The following LIMS2 variants were observed in gnomAD, a reference collection of about 807,000 sequenced individuals.
LIMS2 encodes the protein LIM zinc finger domain containing 2.
A neutral mutation model predicts 45.3 loss-of-function variants in LIMS2; 30 were observed. The observed-to-expected ratio is 0.66, with a 90% CI of 0.50 to 0.90. The LOEUF is 0.90. LIMS2 is among the 40% of genes least tolerant of loss of function. LIMS2 has a pLI of 0.00. For synonymous variants in LIMS2, 173 were observed against 188.0 expected, an observed-to-expected ratio of 0.92 and a Z score of 0.65; for missense variants, 485 against 468.7, an observed-to-expected ratio of 1.03 and a Z score of -0.32.
Position 127,642,874 on chromosome 2 carries a change from A to C in LIMS2, c.509+49T>G. 2 of 1,537,740 alleles carry C rather than the reference A, an allele frequency of 1.3e-6. No homozygotes were observed. Among genetic ancestry groups the C allele is most frequent in the Non-Finnish European group, 1.8e-6 (2 of 1,138,648 alleles). ...GGCCCCACCGCCCTTACCCTGGGCCAGCCCTGGCTCCCCGCCCCCACAACT... is the reference window on the plus strand; with the variant it reads ...GGCCCCACCGCCCTTACCCTGGGCCCGCCCTGGCTCCCCGCCCCCACAACT... On this transcript the variant is annotated intron_variant, in intron 5 of 9. Coordinates refer to ENST00000355119, the MANE Select transcript of LIMS2 (RefSeq NM_001161403.3). The surrounding 1 kb of genome is among the most constrained non-coding windows in gnomAD (Gnocchi z 5.3).
At chr2:127,681,731 G>T (rs1443298648) in exon 1 of LIMS2, 2 of 152,036 alleles carry the variant, frequency 1.3e-5, no homozygotes, top group Non-Finnish European at 2.9e-5. Flanking sequence ...AGCCCTGAGC[G>T]CAGGAGCCCG....
In LIMS2 at chr2:127,643,061, C is replaced by T. The variant is rs767752155; in HGVS notation, c.371G>A (p.Arg124Gln). 21 of 1,580,420 alleles carry T rather than the reference C, an allele frequency of 1.3e-5. No individual in the cohort carries two copies. The highest frequency in any genetic ancestry group is 1.2e-4 in the East Asian group (5 of 43,202). Residue 124 changes from arginine (R) to glutamine (Q), a missense_variant, in exon 5 of 10, where the codon CGG becomes CAG. Arg to Gln is a conservative substitution (Grantham distance 43). Coordinates refer to ENST00000355119, the MANE Select transcript of LIMS2 (RefSeq NM_001161403.3). ...FVKNAGRHLC[R>Q]PCHNREKAKG... ...GGCCTTCTCACGGTTGTGGCAAGGC[C>T]GGCAGAGATGCCTGCGGGAGGCGGG...
intron 1 of LIMS2, among the ~76,000 whole-genome samples, chr2:127,662,144 C>A (rs1684709725): frequency 6.6e-6 from 1 of 152,154 alleles, no homozygotes; most frequent in Non-Finnish European, 1.5e-5. Context: ...CAACCCTGGC[C>A]CCGACGCCCC....
At chr2:127,651,204 G>T in intron 4 of LIMS2, 1 of 1,610,542 alleles carries the variant, frequency 6.2e-7, no homozygotes, top group Non-Finnish European at 8.5e-7. Flanking sequence ...CTTCCTGTGG[G>T]TGGTGGTGGC....
chr2:127,642,144 A>G lies in LIMS2; in HGVS notation c.565T>C (p.Cys189Arg), dbSNP rs1682486867. The change falls in exon 6 of 10, where the codon TGC (cysteine) becomes CGC (arginine). Residue 189 changes from cysteine (C) to arginine (R), a missense_variant. Transcript: ENST00000355119. The surrounding 1 kb of genome is among the most constrained non-coding windows in gnomAD (Gnocchi z 5.3). ...ATGGGGACGCCCATCTTGTCATGGC[A>G]GGGCAGGCAGTAGAGCTCACCCTTC... ...ELKGELYCLP[C>R]HDKMGVPICG... is the part of the protein sequence containing the mutation. The G allele has an allele frequency of 6.2e-7, 1 of 1,600,292 alleles. No individual in the cohort carries two copies. Among genetic ancestry groups the G allele is most frequent in the Non-Finnish European group, 8.5e-7 (1 of 1,172,962 alleles).
At chr2:127,679,688 C>T (rs1475218045), upstream of LIMS2, among the ~76,000 whole-genome samples, 1 of 152,104 alleles carries the variant, frequency 6.6e-6, no homozygotes, top group Non-Finnish European at 1.5e-5. This position sits in a 1 kb window ranked among gnomAD's most constrained non-coding sequence, Gnocchi z 5.3. Context: ...GAGCTGGGAC[C>T]CAGGGCCAAG....
At chr2:127,674,905 C>A in intron 1 of LIMS2, 109 bp downstream of exon 1, 2 of 1,218,830 alleles carry the variant, frequency 1.6e-6, no homozygotes, top group Non-Finnish European at 2.0e-6. Context: ...CGCGCCAGGG[C>A]GGAGCGGGGA....
chr2:127,668,689 A>AC (rs1685137206), intron 1 of LIMS2, among the ~76,000 whole-genome samples: 2 of 132,626 alleles, frequency 1.5e-5, no homozygotes, highest in Non-Finnish European at 3.1e-5. Flanking sequence ...AAAAAAAAAA[A>AC]AAAAAAAAAA....
At position 127,640,324 on chromosome 2, in the gene LIMS2, G is replaced by T; in HGVS notation, c.754-6C>A. The T allele has an allele frequency of 6.2e-7, 1 of 1,612,408 alleles. No individual in the cohort carries two copies. Among genetic ancestry groups the T allele is most frequent in the Non-Finnish European group, 8.5e-7 (1 of 1,179,848 alleles). On this transcript the variant is annotated splice_polypyrimidine_tract_variant and splice_region_variant and intron_variant, in intron 7 of 9. Coordinates refer to ENST00000355119, the MANE Select transcript of LIMS2 (RefSeq NM_001161403.3). ...TAGCAGACGTCCCCGAAGAGCTGTGGGCCGAGCAGGCTGTCAGAGTAGCTG... is the reference window on the plus strand; with the variant it reads ...TAGCAGACGTCCCCGAAGAGCTGTGTGCCGAGCAGGCTGTCAGAGTAGCTG...
intron 1 of LIMS2, among the ~76,000 whole-genome samples, chr2:127,663,518 G>T (rs1684810469): frequency 6.6e-6 from 1 of 152,156 alleles, no homozygotes; most frequent in South Asian, 2.1e-4. Context: ...CACACACAAG[G>T]AGCTGAGAGT....
chr2:127,644,067 ACC>A (rs1558871477), intron 4 of LIMS2: 3 of 456,386 alleles, frequency 6.6e-6, no homozygotes, highest in African/African-American at 2.0e-5. Context: ...GGACCCCAGG[ACC>A]TGCTACTGCT....
chr2:127,654,983 G>A (rs1573811936), intron 2 of LIMS2, 87 bp from the exon 3 acceptor site: 1 of 1,261,542 alleles, frequency 7.9e-7, no homozygotes, highest in Non-Finnish European at 1.1e-6. Context: ...GGACCTGACA[G>A]CAGGGGATGA....
intron 1 of LIMS2, among the ~76,000 whole-genome samples, chr2:127,668,266 T>G (rs1685103556): frequency 6.6e-6 from 1 of 152,146 alleles, no homozygotes; most frequent in African/African-American, 2.4e-5. Flanking sequence ...ACCTATAGAT[T>G]CAATACAATC....
chr2:127,648,447 G>A (rs1032707500), intron 4 of LIMS2, among the ~76,000 whole-genome samples: 4 of 152,116 alleles, frequency 2.6e-5, no homozygotes, highest in Admixed American at 6.5e-5. Flanking sequence ...GGAAGGGTGC[G>A]GCCCACCCTT....
In LIMS2 at chr2:127,643,048, G is replaced by C. The variant is rs1307377189; in HGVS notation, c.384C>G (p.Asn128Lys). 1.3e-6 allele frequency: 2 copies of C among 1,584,906 alleles called. No homozygotes were observed. Among genetic ancestry groups the C allele is most frequent in the African/African-American group, 2.7e-5 (2 of 74,458 alleles). Residue 128 changes from asparagine (N) to lysine (K), a missense_variant, in exon 5 of 10, where the codon AAC becomes AAG. Coordinates refer to ENST00000355119, the MANE Select transcript of LIMS2 (RefSeq NM_001161403.3). ...AGRHLCRPCHNREKAKGLGKY... is the reference protein window; with the variant it reads ...AGRHLCRPCHKREKAKGLGKY... ...TGCCCAGGCCCTTGGCCTTCTCACG[G>C]TTGTGGCAAGGCCGGCAGAGATGCC...
intron 7 of LIMS2, 71 bp from the exon 8 acceptor site, chr2:127,640,389 G>A (rs1006997207): frequency 7.9e-6 from 12 of 1,516,218 alleles, no homozygotes; most frequent in Non-Finnish European, 1.1e-5. Context: ...CATGCAGCCA[G>A]CCTGGCCCTC....
At chr2:127,648,099 G>A (rs1558876295) in intron 4 of LIMS2, 4 of 985,552 alleles carry the variant, frequency 4.1e-6, no homozygotes, top group Admixed American at 6.1e-5. Context: ...TAGGGAAAGT[G>A]CCAGCCGAGA....
upstream of LIMS2, among the ~76,000 whole-genome samples, chr2:127,676,570 C>A (rs1187281930): frequency 2.0e-5 from 3 of 152,106 alleles, no homozygotes; most frequent in African/African-American, 7.2e-5. Context: ...TGCCACCACA[C>A]CCAGCTAATT....
At chr2:127,651,465 T>C (rs146307498) in intron 4 of LIMS2, 6 of 1,612,956 alleles carry the variant, frequency 3.7e-6, no homozygotes, top group East Asian at 2.2e-5. Context: ...GCTGGCCATC[T>C]TCCTGGTCTG....
Sources: gnomAD v4.1 joint callset for allele counts (sites outside exome capture counted in the v4.1 genomes callset) on GRCh38, gnomAD v4.1.1 for gene constraint, Gnocchi (gnomAD v3.1) non-coding constraint, MANE v1.5 for transcripts, NCBI Gene and HGNC (gene_info 2026-07-23, HGNC 2026-07-21) for gene names.